Variants in GSDMC observed in about 807,000 individuals in gnomAD.
GSDMC encodes gasdermin C.
Under a neutral mutation model 58.0 loss-of-function variants are expected in GSDMC, and 59 were observed. The ratio of observed to expected loss-of-function variants is 1.02; its 90% confidence interval spans 0.82 to 1.26. The LOEUF (loss-of-function observed/expected upper bound fraction) is 1.26, where lower values mean the gene tolerates loss of function less well. GSDMC is among the 50% of genes most tolerant of loss of function. The probability of loss-of-function intolerance (pLI) is 0.00; values close to 1 mark genes in which losing one functional copy is unlikely to be tolerated. For synonymous variants in GSDMC, 241 were observed against 220.2 expected (o/e 1.09, Z -0.83); for missense variants, 659 against 598.5 (o/e 1.10, Z -1.06).
chr8:129,749,512 G>C lies in GSDMC; in HGVS notation c.1227C>G (p.Phe409Leu). ...LLEAIMVLSD[F>L]QHDLLACSME... ...TGGAACAGGCCAGCAAATCGTGTTG[G>C]AAGTCACTCAGCACTGAGGGTGGGG... The change falls in exon 13 of 14, where the codon TTC (phenylalanine) becomes TTG (leucine). Residue 409 changes from phenylalanine (F) to leucine (L), a missense_variant. Transcript: ENST00000276708. 1 of 1,613,582 alleles carries C rather than the reference G, an allele frequency of 6.2e-7. No individual in the cohort carries two copies. The highest frequency in any genetic ancestry group is 8.5e-7 in the Non-Finnish European group (1 of 1,179,534).
chr8:129,705,590 G>A, the GSDMC span: 1 of 152,328 alleles, frequency 6.6e-6, no homozygotes, highest in African/African-American at 2.4e-5. Flanking sequence ...CAGATCTCAT[G>A]AGAATTCACT....
intron 1 of GSDMC, among the ~76,000 whole-genome samples, chr8:129,777,879 C>T (rs568129903): frequency 2.6e-5 from 4 of 152,270 alleles, no homozygotes; most frequent in Admixed American, 6.5e-5. Context: ...ACCATCACAC[C>T]TGGCTTCCAA....
At chr8:129,758,433 T>A (rs537699529) in intron 6 of GSDMC, among the ~76,000 whole-genome samples, 1 of 152,266 alleles carries the variant, frequency 6.6e-6, no homozygotes, top group East Asian at 1.9e-4. Flanking sequence ...AATCATCCTT[T>A]TTCGCAGATG....
intron 3 of GSDMC, among the ~76,000 whole-genome samples, chr8:129,768,841 A>C (rs996133882): frequency 6.6e-6 from 1 of 152,200 alleles, no homozygotes; most frequent in African/African-American, 2.4e-5. Flanking sequence ...GCACTTTGGG[A>C]GACCAAGGTT....
At chr8:129,716,267 A>T in the GSDMC span, among the ~76,000 whole-genome samples, 1 of 152,254 alleles carries the variant, frequency 6.6e-6, no homozygotes, top group Non-Finnish European at 1.5e-5. Flanking sequence ...CAAGAAATGT[A>T]CTTTAAATAT....
At chr8:129,751,708 T>C in intron 9 of GSDMC, 140 bp from the exon 10 acceptor site, 1 of 1,105,110 alleles carries the variant, frequency 9.0e-7, no homozygotes, top group Non-Finnish European at 1.4e-6. Flanking sequence ...TCATCCTCCA[T>C]GTTCTCAGCT....
Position 129,762,711 on chromosome 8 carries a change from ACT to A in GSDMC, c.589_590del (p.Leu198GlnfsTer18). ...TCAGCGCCTTCTTCTTCACTCTGAG[ACT>A]CTCTCCTTGGCCTTGACCCTGGGGA... is the stretch of plus-strand genomic sequence containing the variant. The part of the protein sequence containing the change: ...TYGKGQGQGE[S>X]LRVKKKALTL... On this transcript the variant is annotated frameshift_variant, in exon 5 of 14. Coordinates refer to ENST00000276708, the MANE Select transcript of GSDMC (RefSeq NM_031415.3). LOFTEE classifies it high-confidence loss of function. 6.2e-7 allele frequency: 1 copy of A among 1,612,926 alleles called. No homozygotes were observed. The highest frequency in any genetic ancestry group is 1.1e-5 in the South Asian group (1 of 91,048).
At chr8:129,722,403 G>A in the GSDMC span, among the ~76,000 whole-genome samples, 2 of 152,186 alleles carry the variant, frequency 1.3e-5, no homozygotes, top group Non-Finnish European at 2.9e-5. Flanking sequence ...AAACAAGTCT[G>A]TTACATAAGA....
chr8:129,771,807 G>A (rs780973250), intron 3 of GSDMC, among the ~76,000 whole-genome samples: 57 of 152,136 alleles, frequency 3.7e-4, no homozygotes, highest in Middle Eastern at 3.4e-3. Context: ...GAAATCAAAA[G>A]GGAATTCAAA....
chr8:129,747,927 A>G (rs560957958), downstream of GSDMC, among the ~76,000 whole-genome samples: 1 of 151,320 alleles, frequency 6.6e-6, no homozygotes, highest in Non-Finnish European at 1.5e-5. Flanking sequence ...CAAAATATTA[A>G]TAATTGAGGA....
At chr8:129,752,923 A>C (rs1379417940) in intron 6 of GSDMC, 103 bp from the exon 7 acceptor site, 63 of 1,548,982 alleles carry the variant, frequency 4.1e-5, no homozygotes, top group Non-Finnish European at 5.3e-5. Flanking sequence ...AATCAGTGCC[A>C]GTGCACGAAG....
intron 11 of GSDMC, 129 bp downstream of exon 11, chr8:129,750,302 G>A (rs2033132051): frequency 1.8e-6 from 2 of 1,112,570 alleles, no homozygotes; most frequent in East Asian, 2.4e-5. Context: ...CGGCACCAGA[G>A]TCCCCAGTCT....
intron 3 of GSDMC, among the ~76,000 whole-genome samples, chr8:129,766,801 G>T (rs1443495945): frequency 6.6e-6 from 1 of 152,128 alleles, no homozygotes; most frequent in Non-Finnish European, 1.5e-5. Flanking sequence ...ACGGGAAAAA[G>T]AGAGCCAAAG....
In GSDMC at chr8:129,749,506, G is replaced by A. The variant is rs374279128; in HGVS notation, c.1233C>T (p.His411=). The change falls in exon 13 of 14, where the codon CAC becomes CAT. Residue 411 remains histidine, a synonymous_variant. Coordinates refer to ENST00000276708, the MANE Select transcript of GSDMC (RefSeq NM_031415.3). ...TCTCCATGGAACAGGCCAGCAAATCGTGTTGGAAGTCACTCAGCACTGAGG... is the reference window on the plus strand; with the variant it reads ...TCTCCATGGAACAGGCCAGCAAATCATGTTGGAAGTCACTCAGCACTGAGG... ...EAIMVLSDFQ[H]DLLACSMEKR... is the part of the protein sequence containing the mutation. The A allele has an allele frequency of 1.3e-4, 204 of 1,613,554 alleles. No individual in the cohort carries two copies. Among genetic ancestry groups the A allele is most frequent in the Non-Finnish European group, 1.5e-4 (181 of 1,179,640 alleles).
At chr8:129,714,998 T>C in the GSDMC span, among the ~76,000 whole-genome samples, 6 of 152,210 alleles carry the variant, frequency 3.9e-5, no homozygotes, top group Non-Finnish European at 7.3e-5. Context: ...AGGGTAAGGT[T>C]AAAATGACCT....
chr8:129,746,412 C>T (rs533689297), downstream of GSDMC, among the ~76,000 whole-genome samples: 10 of 149,768 alleles, frequency 6.7e-5, no homozygotes, highest in East Asian at 3.9e-4. Context: ...AGAATGCAGA[C>T]GAAAAAAAAT....
At chr8:129,741,954 AGCCT>A in the GSDMC span, among the ~76,000 whole-genome samples, 1 of 145,736 alleles carries the variant, frequency 6.9e-6, no homozygotes, top group African/African-American at 2.6e-5. Context: ...AATAATATTC[AGCCT>A]TAAAAAAGAA....
At chr8:129,723,518 G>A in the GSDMC span, among the ~76,000 whole-genome samples, 13 of 147,924 alleles carry the variant, frequency 8.8e-5, no homozygotes, top group African/African-American at 1.5e-4. Flanking sequence ...CACCCGCCTC[G>A]GCCTCCAAAA....
At chr8:129,728,942 G>A in the GSDMC span, 3 of 667,916 alleles carry the variant, frequency 4.5e-6, no homozygotes, top group Non-Finnish European at 8.5e-6. Context: ...CCGAGGTGGT[G>A]GCGGTGGTCA....
Sources: gnomAD v4.1 joint callset for allele counts (sites outside exome capture counted in the v4.1 genomes callset) on GRCh38, gnomAD v4.1.1 for gene constraint, MANE v1.5 for transcripts, NCBI Gene and HGNC (gene_info 2026-07-23, HGNC 2026-07-21) for gene names.